DNAH5: variants seen among roughly 807,000 people sequenced by gnomAD.
DNAH5 encodes axonemal beta dynein heavy chain 5.
In DNAH5, 372 loss-of-function variants were observed where a neutral mutation model predicts 518.2. That is an observed-to-expected ratio of 0.72 (90% CI 0.66 to 0.78). The LOEUF (loss-of-function observed/expected upper bound fraction) is 0.78, where lower values mean the gene tolerates loss of function less well. Among genes scored for constraint, DNAH5 ranks in the 30% least tolerant of loss-of-function variants. The pLI is 0.00. For missense variants in DNAH5, 5,523 were observed against 5,687.0 expected (o/e 0.97, Z 0.93); for synonymous variants, 2,039 against 2,025.9 (o/e 1.01, Z -0.17).
At chr5:13,808,798 T>C (rs1393398670) in intron 46 of DNAH5, among the ~76,000 whole-genome samples, 2 of 151,684 alleles carry the variant, frequency 1.3e-5, no homozygotes, top group Non-Finnish European at 2.9e-5. Flanking sequence ...TCTCTACTAA[T>C]AAATACAAAA....
intron 34 of DNAH5, among the ~76,000 whole-genome samples, chr5:13,839,860 T>C (rs2151858175): frequency 6.6e-6 from 1 of 152,322 alleles, no homozygotes; most frequent in Middle Eastern, 3.4e-3. Flanking sequence ...TGAAATATAA[T>C]CTATGAAAAG....
At chr5:13,816,923 G>A (rs1420747187) in intron 42 of DNAH5, among the ~76,000 whole-genome samples, 2 of 152,124 alleles carry the variant, frequency 1.3e-5, no homozygotes, top group Non-Finnish European at 2.9e-5. Flanking sequence ...GAAATCAAAT[G>A]AGAAGAAAGC....
chr5:13,846,004 T>A (rs1257861869), intron 31 of DNAH5, among the ~76,000 whole-genome samples: 1 of 150,754 alleles, frequency 6.6e-6, no homozygotes, highest in Non-Finnish European at 1.5e-5. Flanking sequence ...CTAATATTTT[T>A]TTTTTTTTTT....
intron 68 of DNAH5, among the ~76,000 whole-genome samples, chr5:13,730,192 T>A (rs2126578802): frequency 6.6e-6 from 1 of 152,328 alleles, no homozygotes; most frequent in South Asian, 2.1e-4. Flanking sequence ...GACCCTTATC[T>A]TTTTACTGAT....
Position 13,902,334 on chromosome 5 carries a change from T to C in DNAH5, c.1645-196A>G, listed in dbSNP as rs11746377. On this transcript the variant is annotated intron_variant, in intron 12 of 78. Coordinates refer to ENST00000265104, the MANE Select transcript of DNAH5 (RefSeq NM_001369.3). ...AGAGACTTGAAAGCCAGATCAGCCA[T>C]GGGAGTTGGCGCCACGTCAGGTTCC... 0.26 allele frequency among the ~76,000 whole-genome samples: 39,224 copies of C among 152,046 alleles called. 5,236 individuals are homozygous for C. The highest frequency in any genetic ancestry group is 0.36 in the South Asian group (1,723 of 4,818).
chr5:13,830,626 T>G lies in DNAH5; in HGVS notation c.6032A>C (p.Asp2011Ala), dbSNP rs2151837839. 6.2e-7 allele frequency: 1 copy of G among 1,614,180 alleles called. No homozygotes were observed. The highest frequency in any genetic ancestry group is 1.1e-5 in the South Asian group (1 of 91,088). The change falls in exon 36 of 79, where the codon GAT (aspartate) becomes GCT (alanine). Residue 2011 changes from aspartate to alanine, a missense_variant. Physicochemically the swap from Asp to Ala is moderately radical, Grantham distance 126 (BLOSUM62 -2). Around this residue, in one of 3 missense-constraint regions of DNAH5, gnomAD observed 5,121 missense variants for 5,223.3 expected, o/e 0.98. Transcript: ENST00000265104. ...VVVFNCSDQM[D>A]FRGLGRIFKG... Reference sequence around the variant, plus strand: ...AAAAATCCGTCCAAGTCCTCGGAAATCCATCTGGTCTGAACAATTGAAAAC... The same window carrying G: ...AAAAATCCGTCCAAGTCCTCGGAAAGCCATCTGGTCTGAACAATTGAAAAC...
Position 13,793,589 on chromosome 5 carries a change from G to A in DNAH5, c.8150C>T (p.Pro2717Leu), listed in dbSNP as rs1757350666. 1.2e-6 allele frequency: 2 copies of A among 1,614,078 alleles called. No individual in the cohort carries two copies. The highest frequency in any genetic ancestry group is 8.5e-7 in the Non-Finnish European group (1 of 1,180,016). ...AGAGAACTGCCTCTTGAGTCTTTGG[G>A]GTATGTCATTGCGTCCACCACCAGG... ...IHPGGGRNDI[P>L]QRLKRQFSIF... Residue 2717 changes from proline (P) to leucine (L), a missense_variant, in exon 49 of 79, where the codon CCC becomes CTC. Physicochemically the swap from Pro to Leu is moderately conservative, Grantham distance 98 (BLOSUM62 -3). Coordinates refer to ENST00000265104, the MANE Select transcript of DNAH5 (RefSeq NM_001369.3).
chr5:13,821,935 T>C (rs1435707439), intron 40 of DNAH5, among the ~76,000 whole-genome samples: 2 of 152,124 alleles, frequency 1.3e-5, no homozygotes. Flanking sequence ...GTTGGGACTA[T>C]AGACATGCAC....
chr5:13,892,631 A>C (rs1281667888), intron 16 of DNAH5, among the ~76,000 whole-genome samples: 1 of 152,236 alleles, frequency 6.6e-6, no homozygotes, highest in Non-Finnish European at 1.5e-5. Context: ...TCCAGCTAAC[A>C]ATCTAATAAA....
intron 53 of DNAH5, among the ~76,000 whole-genome samples, chr5:13,778,478 A>G (rs1270459062): frequency 1.1e-5 from 1 of 87,170 alleles, no homozygotes; most frequent in Non-Finnish European, 2.4e-5. Context: ...AAGGAAGGAA[A>G]GAAGGAAGGA....
intron 21 of DNAH5, among the ~76,000 whole-genome samples, chr5:13,882,410 T>C (rs932205519): frequency 6.6e-6 from 1 of 151,540 alleles, no homozygotes; most frequent in African/African-American, 2.4e-5. Context: ...ATGCAAAAAT[T>C]CTCAACAAAA....
chr5:13,967,911 G>A (rs928032976), intron 1 of DNAH5, among the ~76,000 whole-genome samples: 9 of 151,858 alleles, frequency 5.9e-5, no homozygotes, highest in African/African-American at 1.2e-4. Flanking sequence ...TTGGCCACAC[G>A]GTCATTTTCA....
intron 38 of DNAH5, among the ~76,000 whole-genome samples, chr5:13,826,837 C>T: frequency 6.6e-6 from 1 of 152,142 alleles, no homozygotes; most frequent in East Asian, 1.9e-4. Flanking sequence ...GTTTGGATGG[C>T]TCAGAAGAAG....
chr5:13,881,058 T>G (rs1240062353), intron 21 of DNAH5, among the ~76,000 whole-genome samples: 1 of 151,902 alleles, frequency 6.6e-6, no homozygotes, highest in African/African-American at 2.4e-5. Context: ...GAGACAAAGA[T>G]CATCATATAA....
At chr5:13,836,109 G>T (rs1764359331) in intron 35 of DNAH5, among the ~76,000 whole-genome samples, 2 of 152,094 alleles carry the variant, frequency 1.3e-5, no homozygotes, top group African/African-American at 2.4e-5. Context: ...TCTTTTGGGG[G>T]CCATTATACT....
At chr5:13,698,059 A>C (rs1741599816) in intron 78 of DNAH5, among the ~76,000 whole-genome samples, 1 of 152,218 alleles carries the variant, frequency 6.6e-6, no homozygotes, top group African/African-American at 2.4e-5. Context: ...TAGTTATTGC[A>C]AGAGTGGGTT....
At position 13,883,102 on chromosome 5, in the gene DNAH5, A is replaced by C; in HGVS notation, c.2984-8T>G. ...TAGAGGCACTGTTACTGTCTGAGTTAACCCAAAACAAGGAAGAATTCACAT... is the reference window on the plus strand; with the variant it reads ...TAGAGGCACTGTTACTGTCTGAGTTCACCCAAAACAAGGAAGAATTCACAT... On this transcript the variant is annotated splice_region_variant and splice_polypyrimidine_tract_variant and intron_variant, in intron 19 of 78. Transcript: ENST00000265104. The C allele has an allele frequency of 1.2e-6, 2 of 1,613,320 alleles. No individual in the cohort carries two copies. The highest frequency in any genetic ancestry group is 1.7e-6 in the Non-Finnish European group (2 of 1,179,970).
rs1330249522 is a variant in DNAH5 at position 13,788,990 on chromosome 5, AG to A, written c.8449-77del. The A allele has an allele frequency of 2.2e-5, 29 of 1,311,712 alleles. No homozygotes were observed. The Admixed American group carries it at 4.9e-4, about 22-fold the overall frequency. The allele number at this position is 1,311,712 out of a possible 1,614,324, so 81.3% of individuals were successfully genotyped here. The stretch of plus-strand genomic sequence containing the variant: ...TGGGAATTCAGGTTGACAGTACTGT[AG>A]AGTATTATCCTTCCTGATTTAAGAT... On this transcript the variant is annotated intron_variant, in intron 50 of 78. Transcript: ENST00000265104.
At chr5:13,745,728 C>T (rs1749238339) in intron 65 of DNAH5, among the ~76,000 whole-genome samples, 1 of 152,104 alleles carries the variant, frequency 6.6e-6, no homozygotes, top group Non-Finnish European at 1.5e-5. Flanking sequence ...TCTGTTTCAG[C>T]CCCACATTCC....
Sources: allele counts gnomAD v4.1 joint callset (sites outside exome capture counted in the v4.1 genomes callset), GRCh38; gene constraint gnomAD v4.1.1; regional missense constraint gnomAD v4.1.1; transcripts MANE v1.5; gene names NCBI Gene and HGNC (gene_info 2026-07-23, HGNC 2026-07-21).